The following IAH1 variants were observed in gnomAD, a reference collection of about 807,000 sequenced individuals.
The protein encoded by IAH1 is isoamyl acetate-hydrolyzing esterase 1 homolog.
In IAH1, 24 loss-of-function variants were observed where a neutral mutation model predicts 26.7. The ratio of observed to expected loss-of-function variants is 0.90; its 90% CI spans 0.65 to 1.26. IAH1 has a LOEUF of 1.26. Among genes scored for constraint, IAH1 ranks in the 50% most tolerant of loss-of-function variants. The pLI is 0.00. For synonymous variants in IAH1, 140 were observed against 118.5 expected, an observed-to-expected ratio of 1.18 and a Z score of -1.18; for missense variants, 300 against 299.9, an observed-to-expected ratio of 1.00 and a Z score of 0.00.
chr2:9,497,251 G>A, downstream of IAH1: 2 of 1,613,908 alleles, frequency 1.2e-6, no homozygotes, highest in Non-Finnish European at 1.7e-6. Context: ...GCTATTACCT[G>A]GAAGCAAACA....
chr2:9,484,656 G>C (rs1438376778), intron 5 of IAH1, 106 bp downstream of exon 5: 1 of 737,184 alleles, frequency 1.4e-6, no homozygotes, highest in Non-Finnish European at 2.3e-6. Flanking sequence ...AGCTAAGACA[G>C]TCATCCCTTT....
downstream of IAH1, among the ~76,000 whole-genome samples, chr2:9,496,814 A>C (rs1354678299): frequency 6.6e-6 from 1 of 152,022 alleles, no homozygotes; most frequent in Non-Finnish European, 1.5e-5. Flanking sequence ...GCTAGGACAC[A>C]CCTCTACCTA....
chr2:9,477,948 T>TGA (rs1381354974), intron 2 of IAH1, among the ~76,000 whole-genome samples: 3 of 152,182 alleles, frequency 2.0e-5, no homozygotes, highest in Admixed American at 1.3e-4. Context: ...ATACCATGCT[T>TGA]GAAGTCAGGT....
chr2:9,494,163 C>T (rs192356384), downstream of IAH1, among the ~76,000 whole-genome samples: 3 of 152,234 alleles, frequency 2.0e-5, no homozygotes, highest in Non-Finnish European at 1.5e-5. Context: ...TGTGAAGCCT[C>T]GTAAATCTTA....
At chr2:9,495,483 C>A (rs1339511773) in intron 6 of IAH1, among the ~76,000 whole-genome samples, 1 of 152,114 alleles carries the variant, frequency 6.6e-6, no homozygotes, top group Non-Finnish European at 1.5e-5. Context: ...GAGGCCAAGG[C>A]GGACAGATCA....
downstream of IAH1, chr2:9,494,490 TC>T: frequency 1.1e-6 from 1 of 909,650 alleles, no homozygotes; most frequent in Non-Finnish European, 1.6e-6. Flanking sequence ...CGTCTTCTCC[TC>T]CTAAGTAATA....
At chr2:9,476,100 T>C in intron 2 of IAH1, 61 bp downstream of exon 2, 1 of 1,395,600 alleles carries the variant, frequency 7.2e-7, no homozygotes, top group Non-Finnish European at 1.0e-6. Flanking sequence ...GGATCCGTCT[T>C]ATGGATGAAG....
chr2:9,495,427 A>C lies in IAH1; in HGVS notation c.*222+567A>C, dbSNP rs1410330987. Reference sequence around the variant, plus strand: ...ACAAGCAAAAAGAAAACCTTTTCAGAAAAGGCCGGGAGCAGTGGCTCTCGC... The same window carrying C: ...ACAAGCAAAAAGAAAACCTTTTCAGCAAAGGCCGGGAGCAGTGGCTCTCGC... On this transcript the variant is annotated intron_variant, in intron 6 of 6. Transcript: ENST00000481367. Among the ~76,000 whole-genome samples the C allele has an allele frequency of 3.9e-5, 6 of 152,356 alleles. No individual in the cohort carries two copies. The South Asian group carries it at 1.2e-3, about 32-fold the overall frequency.
the IAH1 span, among the ~76,000 whole-genome samples, chr2:9,508,208 G>T: frequency 6.6e-6 from 1 of 152,096 alleles, no homozygotes; most frequent in Non-Finnish European, 1.5e-5. Context: ...AACCATATGT[G>T]GCTACTTAAA....
intron 5 of IAH1, chr2:9,484,804 C>G: frequency 2.5e-6 from 1 of 395,924 alleles, no homozygotes; most frequent in Non-Finnish European, 4.5e-6. Context: ...ACACATGGCT[C>G]ATATTTATGA....
intron 2 of IAH1, among the ~76,000 whole-genome samples, chr2:9,476,873 A>G (rs1026203733): frequency 2.0e-5 from 3 of 152,168 alleles, no homozygotes; most frequent in African/African-American, 7.2e-5. Flanking sequence ...ACGTGCAGGT[A>G]ACAGGTTATG....
chr2:9,502,034 T>A, the IAH1 span: 1 of 727,290 alleles, frequency 1.4e-6, no homozygotes, highest in East Asian at 2.5e-5. Context: ...TGTCACAAAC[T>A]AAGGAGTGCC....
chr2:9,475,191 A>G (rs1250319422), intron 1 of IAH1: 24 of 1,289,434 alleles, frequency 1.9e-5, no homozygotes, highest in Admixed American at 2.3e-5. Flanking sequence ...CTCACCTCCC[A>G]TGAAGGGAAC....
rs1661914820 is a variant in IAH1 at position 9,489,560 on chromosome 2, G to A, written c.*1231G>A. On this transcript the variant is annotated 3_prime_UTR_variant, in exon 6 of 6. Coordinates refer to ENST00000497473, the MANE Select transcript of IAH1 (RefSeq NM_001039613.3). Reference sequence around the variant, plus strand: ...TAAGGTAGGTGGTTAGGTTTCTAGAGAGCATTAGTCTTAGAATTATGAAGA... The same window carrying A: ...TAAGGTAGGTGGTTAGGTTTCTAGAAAGCATTAGTCTTAGAATTATGAAGA... The A allele has an allele frequency of 6.6e-6, 1 of 152,168 alleles. No individual in the cohort carries two copies. Among genetic ancestry groups the A allele is most frequent in the African/African-American group, 2.4e-5 (1 of 41,252 alleles). The allele number at this position is 152,168 out of a possible 1,614,324, so 9.4% of individuals were successfully genotyped here.
At chr2:9,490,236 C>A (rs761391373), downstream of IAH1, 140 of 1,609,752 alleles carry the variant, frequency 8.7e-5, no homozygotes, top group Non-Finnish European at 1.2e-4. Flanking sequence ...AAGGAGGCAG[C>A]CTTTTCACTT....
chr2:9,484,774 C>T (rs141791956), intron 5 of IAH1: 321 of 495,536 alleles, frequency 6.5e-4, no homozygotes, highest in African/African-American at 3.9e-3. Flanking sequence ...GGAGTTAGTG[C>T]GCAGTGACAT....
downstream of IAH1, chr2:9,489,983 C>T (rs1661980408): frequency 1.9e-6 from 1 of 516,934 alleles, no homozygotes; most frequent in Non-Finnish European, 3.4e-6. Context: ...AAGCTAGATT[C>T]ACCTTCACCT....
the IAH1 span, among the ~76,000 whole-genome samples, chr2:9,511,083 C>T: frequency 6.6e-6 from 1 of 152,052 alleles, no homozygotes; most frequent in African/African-American, 2.4e-5. Flanking sequence ...CCTCACATGC[C>T]CCTCGGCCCA....
chr2:9,496,311 G>A (rs1296157432), intron 6 of IAH1: 1 of 151,630 alleles, frequency 6.6e-6, no homozygotes, highest in Non-Finnish European at 1.5e-5. Context: ...TTTATTTTTA[G>A]TAGAGACAGC....
Sources: gnomAD v4.1 joint callset for allele counts (sites outside exome capture counted in the v4.1 genomes callset) on GRCh38, gnomAD v4.1.1 for gene constraint, MANE v1.5 for transcripts, NCBI Gene and HGNC (gene_info 2026-07-23, HGNC 2026-07-21) for gene names.